PDE10A: variants seen among roughly 807,000 people sequenced by gnomAD.
The protein encoded by PDE10A is cAMP and cAMP-inhibited cGMP 3',5'-cyclic phosphodiesterase 10A.
Under a neutral mutation model 97.7 loss-of-function variants are expected in PDE10A, and 39 were observed. The ratio of observed to expected loss-of-function variants is 0.40; its 90% CI spans 0.31 to 0.52. The LOEUF is 0.52. Ranked by LOEUF, PDE10A falls within the 20% of genes least tolerant of loss-of-function variation. The pLI is 0.56. For synonymous variants in PDE10A, 371 were observed against 376.8 expected (o/e 0.98, Z 0.18); for missense variants, 731 against 1,047.8 (o/e 0.70, Z 4.17).
At chr6:165,435,151 A>C (rs1789904835) in intron 6 of PDE10A, 86 bp downstream of exon 6, 2 of 1,170,392 alleles carry the variant, frequency 1.7e-6, no homozygotes, top group Non-Finnish European at 2.5e-6. Flanking sequence ...GAAACTATTT[A>C]AATTATAACA....
At chr6:165,831,942 GT>G (rs1373492502) in intron 1 of PDE10A, among the ~76,000 whole-genome samples, 2 of 151,688 alleles carry the variant, frequency 1.3e-5, no homozygotes, top group African/African-American at 4.9e-5. Context: ...CTATTGTTTT[GT>G]TTTTGTGTTT....
Position 165,336,000 on chromosome 6 carries a change from G to A in PDE10A, c.3065+123C>T, listed in dbSNP as rs1044389039. On this transcript the variant is annotated intron_variant, in intron 21 of 21. Coordinates refer to ENST00000539869, the MANE Select transcript of PDE10A (RefSeq NM_001385079.1). ...AGGTAAGGAGGCCCCGAGTCCCTGAGCACAACAACTCGACATCTAGACAAA... is the reference window on the plus strand; with the variant it reads ...AGGTAAGGAGGCCCCGAGTCCCTGAACACAACAACTCGACATCTAGACAAA... 9 of 798,874 alleles carry A rather than the reference G, an allele frequency of 1.1e-5. No homozygotes were observed. The African/African-American group carries it at 1.2e-4, about 11-fold the overall frequency. The allele number at this position is 798,874 out of a possible 1,614,324, so 49.5% of individuals were successfully genotyped here.
chr6:165,333,096 G>C lies in PDE10A; in HGVS notation c.3097C>G (p.Arg1033Gly), dbSNP rs141939882. The C allele has an allele frequency of 6.2e-7, 1 of 1,610,546 alleles. No individual in the cohort carries two copies. The highest frequency in any genetic ancestry group is 8.5e-7 in the Non-Finnish European group (1 of 1,176,826). Residue 1033 changes from arginine to glycine, a missense_variant, in exon 22 of 22, where the codon CGA becomes GGA. Transcript: ENST00000539869. ...DNLSQWEKVI[R>G]GEETATWISS... ...ATCCAGGTTGCAGTCTCCTCCCCTC[G>C]AATCACCTTCTCCCACTGACTGAGA...
rs896927738 is a variant in PDE10A, at chr6:165,763,146, C to T, written c.-614-219578G>A. Reference sequence around the variant, plus strand: ...ATGGAGATAGACAGAGCTCACATCCCGTGTCTGGTGTCTGTGTCTGCGTGT... The same window carrying T: ...ATGGAGATAGACAGAGCTCACATCCTGTGTCTGGTGTCTGTGTCTGCGTGT... On this transcript the variant is annotated intron_variant, in intron 1 of 19. Transcript: ENST00000366882. Among the ~76,000 whole-genome samples the T allele has an allele frequency of 5.9e-5, 9 of 152,140 alleles. No individual in the cohort carries two copies. In the South Asian group the frequency reaches 6.2e-4, roughly 11 times the overall value.
chr6:165,424,733 A>C (rs1446490817), intron 10 of PDE10A, among the ~76,000 whole-genome samples: 1 of 152,174 alleles, frequency 6.6e-6, no homozygotes, highest in Non-Finnish European at 1.5e-5. Context: ...CCAATCCAGG[A>C]ATAAAGAAAA....
At chr6:165,414,306 A>G (rs1009105617) in intron 12 of PDE10A, among the ~76,000 whole-genome samples, 4 of 152,226 alleles carry the variant, frequency 2.6e-5, no homozygotes, top group Admixed American at 2.6e-4. Flanking sequence ...TATACTGACC[A>G]TATGATCCTT....
intron 1 of PDE10A, among the ~76,000 whole-genome samples, chr6:165,932,313 C>T (rs1158120): frequency 0.099 from 15,009 of 151,992 alleles, 1,004 homozygotes; most frequent in African/African-American, 0.18. Flanking sequence ...GTGTGGACAG[C>T]CAAAGTTTTT....
intron 13 of PDE10A, among the ~76,000 whole-genome samples, chr6:165,412,635 C>T (rs570055421): frequency 1.5e-4 from 23 of 152,066 alleles, no homozygotes; most frequent in African/African-American, 5.6e-4. Context: ...GAATTAAAAA[C>T]GGTTACCCTC....
rs530204878 is a variant in PDE10A, at chr6:165,572,729, C to T, written c.866-29161G>A. The stretch of plus-strand genomic sequence containing the variant: ...CAGCCTGAGCAACATGGTGAAACCC[C>T]GGAGGCTGAGGTGGGAGGATCACCT... On this transcript the variant is annotated intron_variant, in intron 1 of 21. Transcript: ENST00000539869. Among the ~76,000 whole-genome samples the T allele has an allele frequency of 7.9e-5, 12 of 152,248 alleles. No individual in the cohort carries two copies. In the South Asian group the frequency reaches 2.3e-3, roughly 29 times the overall value.
chr6:165,772,708 T>C (rs143846814), intron 1 of PDE10A, among the ~76,000 whole-genome samples: 40 of 152,196 alleles, frequency 2.6e-4, no homozygotes, highest in Non-Finnish European at 5.6e-4. Flanking sequence ...AAAACAAATT[T>C]AGGGGCGGAA....
intron 18 of PDE10A, among the ~76,000 whole-genome samples, chr6:165,374,754 G>GT (rs1466781776): frequency 9.3e-5 from 10 of 107,562 alleles, no homozygotes; most frequent in African/African-American, 3.2e-4. Flanking sequence ...CCATGTTTTT[G>GT]GTTTTTTTTT....
chr6:165,682,050 C>T (rs4709960), intron 1 of PDE10A, among the ~76,000 whole-genome samples: 131,202 of 152,234 alleles, frequency 0.86, 56,785 homozygotes, highest in South Asian at 0.92. Flanking sequence ...TTTTAACATG[C>T]TGATTTCCCA....
At chr6:165,376,646 G>A (rs939469100) in intron 18 of PDE10A, among the ~76,000 whole-genome samples, 16 of 152,184 alleles carry the variant, frequency 1.1e-4, no homozygotes, top group South Asian at 2.1e-4. Flanking sequence ...TGGGCACAGC[G>A]GCTCTGGCCT....
chr6:165,392,634 G>C lies in PDE10A; in HGVS notation c.2454+12C>G, dbSNP rs1436794386. On this transcript the variant is annotated intron_variant, in intron 16 of 21. Transcript: ENST00000539869. ...AGGTTACGAGAAACAGAGGTAAAGA[G>C]TGCACACCCACCTCAAGGTCTGTGA... The C allele has an allele frequency of 3.1e-6, 5 of 1,611,992 alleles. No homozygotes were observed. The highest frequency in any genetic ancestry group is 2.2e-5 in the South Asian group (2 of 91,048).
chr6:165,849,487 C>T (rs981965583), intron 1 of PDE10A, among the ~76,000 whole-genome samples: 1 of 152,238 alleles, frequency 6.6e-6, no homozygotes, highest in Non-Finnish European at 1.5e-5. Context: ...AATTATCCCT[C>T]CACTAGGAAA....
chr6:165,616,137 G>A (rs1170092993), intron 1 of PDE10A, among the ~76,000 whole-genome samples: 4 of 151,746 alleles, frequency 2.6e-5, no homozygotes, highest in African/African-American at 4.8e-5. Context: ...TTGTGTTTCC[G>A]TCTCCTACTT....
chr6:165,660,103 T>A (rs1443791367), intron 1 of PDE10A: 11 of 152,374 alleles, frequency 7.2e-5, no homozygotes, highest in Non-Finnish European at 1.6e-4. Flanking sequence ...TAAGAAAGAA[T>A]TCACAAGCCC....
At chr6:165,345,891 A>C (rs930975901) in intron 18 of PDE10A, among the ~76,000 whole-genome samples, 7 of 152,182 alleles carry the variant, frequency 4.6e-5, no homozygotes, top group Admixed American at 4.6e-4. Flanking sequence ...TCAATAAATC[A>C]ATAAAGAGAG....
intron 16 of PDE10A, among the ~76,000 whole-genome samples, chr6:165,391,304 T>G (rs879811286): frequency 2.0e-5 from 3 of 152,242 alleles, no homozygotes; most frequent in African/African-American, 7.2e-5. Context: ...TGTAATGATA[T>G]AATTCCAAAA....
Sources: gnomAD v4.1 joint callset for allele counts (sites outside exome capture counted in the v4.1 genomes callset) on GRCh38, gnomAD v4.1.1 for gene constraint, MANE v1.5 for transcripts, NCBI Gene and HGNC (gene_info 2026-07-23, HGNC 2026-07-21) for gene names.